Variants in CEP131 observed in about 807,000 individuals in gnomAD.
The protein encoded by CEP131 is centrosomal protein of 131 kDa.
CEP131 carries 99 observed loss-of-function variants against 136.8 expected under a neutral mutation model. The ratio of observed to expected loss-of-function variants is 0.72; its 90% CI spans 0.62 to 0.86. CEP131 has a LOEUF of 0.86. Among genes scored for constraint, CEP131 ranks in the 40% least tolerant of loss-of-function variants. The probability of loss-of-function intolerance (pLI) is 0.00; values close to 1 mark genes in which losing one functional copy is unlikely to be tolerated. For synonymous variants in CEP131, 646 were observed against 612.7 expected, an observed-to-expected ratio of 1.05 and a Z score of -0.80; for missense variants, 1,459 against 1,463.0, an observed-to-expected ratio of 1.00 and a Z score of 0.04.
chr17:81,196,027 C>T, intron 15 of CEP131, 76 bp from the exon 16 acceptor site: 1 of 1,279,170 alleles, frequency 7.8e-7, no homozygotes. Context: ...GAGACCCTCC[C>T]AGCCTCCGAG....
At chr17:81,192,280 C>A (rs778589604) in intron 21 of CEP131, 38 bp downstream of exon 21, 2 of 1,536,832 alleles carry the variant, frequency 1.3e-6, no homozygotes, top group Non-Finnish European at 1.8e-6. Context: ...CGCAGGGCAG[C>A]CCCCAACCCC....
rs1482413328 is a variant in CEP131, at chr17:81,194,006, G to A, written c.2241C>T (p.Arg747=). 9 of 1,558,460 alleles carry A rather than the reference G, an allele frequency of 5.8e-6. No individual in the cohort carries two copies. Among genetic ancestry groups the A allele is most frequent in the Non-Finnish European group, 4.3e-6 (5 of 1,152,606 alleles). The stretch of plus-strand genomic sequence containing the variant: ...GCTGCTCCCGCAGCTCCTCGGCCTG[G>A]CGCAGGCAGCGCTGCGAGGCCCGCT... ...SDERASQRCL[R]QAEELREQLE... Residue 747 remains arginine (R), a synonymous_variant, in exon 18 of 26, where the codon CGC becomes CGT. Transcript: ENST00000450824.
intron 18 of CEP131, among the ~76,000 whole-genome samples, chr17:81,193,177 T>A (rs1056889277): frequency 3.3e-5 from 5 of 152,172 alleles, no homozygotes; most frequent in African/African-American, 1.2e-4. Context: ...CCCACGGGCA[T>A]GGAGGGCGGG....
chr17:81,202,466 G>A (rs2061914564), intron 6 of CEP131, 68 bp from the exon 7 acceptor site: 6 of 1,545,846 alleles, frequency 3.9e-6, no homozygotes, highest in Non-Finnish European at 5.2e-6. Context: ...CAGGCAGCAG[G>A]TGCCCACTCC....
chr17:81,196,657 G>A (rs2061760966), intron 15 of CEP131, 44 bp downstream of exon 15: 2 of 1,576,284 alleles, frequency 1.3e-6, no homozygotes, highest in Non-Finnish European at 1.7e-6. Flanking sequence ...GTCTCCATGA[G>A]CCACGCGCTG....
rs576433056 is a variant in CEP131, at chr17:81,194,817, T to G, written c.2119+53A>C. On this transcript the variant is annotated intron_variant, in intron 17 of 25. Transcript: ENST00000450824. ...GTTATGGCTCTCTCAAAAGAAGCCC[T>G]GGCCGCAGCACCCACCCCACACCTG... The G allele has an allele frequency of 1.8e-4, 257 of 1,447,880 alleles. 1 individual carries two copies. The South Asian group carries it at 2.8e-3, about 16-fold the overall frequency. 89.7% of individuals were successfully genotyped at this position (1,447,880 alleles called of 1,614,324 possible).
rs749896644 is a variant in CEP131, at chr17:81,192,733, C to T, written c.2429+3G>A. On this transcript the variant is annotated splice_donor_region_variant and intron_variant, in intron 19 of 25. Transcript: ENST00000450824. ...GAGAGGGCGTGGTGCCCCCGGGCGGCACCTGGCTGCCTGCTGGCCCAGCCG... is the reference window on the plus strand; with the variant it reads ...GAGAGGGCGTGGTGCCCCCGGGCGGTACCTGGCTGCCTGCTGGCCCAGCCG... 6 of 1,565,272 alleles carry T rather than the reference C, an allele frequency of 3.8e-6. No homozygotes were observed. The South Asian group carries it at 6.7e-5, about 17-fold the overall frequency.
chr17:81,192,815 A>G lies in CEP131; in HGVS notation c.2350T>C (p.Trp784Arg). 1 of 1,598,272 alleles carries G rather than the reference A, an allele frequency of 6.3e-7. No homozygotes were observed. The highest frequency in any genetic ancestry group is 1.1e-5 in the South Asian group (1 of 91,012). ...CGCTGCCGTTGCTGCTGCAGCGCCC[A>G]CTGCTCCTGCTCCAGGTGCTGCTGG... ...RFQQHLEQEQ[W>R]ALQQQRQRLY... Residue 784 changes from tryptophan to arginine, a missense_variant, in exon 19 of 26, where the codon TGG becomes CGG. Around this residue, in one of 3 missense-constraint regions of CEP131, gnomAD observed 1,026 missense variants for 964.2 expected, o/e 1.06. Transcript: ENST00000450824.
intron 3 of CEP131, 85 bp from the exon 4 acceptor site, chr17:81,207,324 G>A (rs189419280): frequency 6.8e-6 from 8 of 1,180,738 alleles, no homozygotes; most frequent in South Asian, 5.2e-5. Flanking sequence ...CAGGTCCCGC[G>A]AGGACAGAGG....
At chr17:81,212,474 C>G (rs753291031) in intron 2 of CEP131, among the ~76,000 whole-genome samples, 2 of 151,548 alleles carry the variant, frequency 1.3e-5, no homozygotes, top group African/African-American at 4.9e-5. Context: ...CGAGTAGCCC[C>G]GGGCAGGAGT....
intron 13 of CEP131, chr17:81,197,507 G>A: frequency 2.6e-6 from 2 of 759,440 alleles, no homozygotes; most frequent in Non-Finnish European, 4.0e-6. Context: ...CACCCTGAGA[G>A]ACCCGTGGGG....
In CEP131 at chr17:81,215,648, G is replaced by A. The variant is rs904562158; in HGVS notation, c.177+4232C>T. On this transcript the variant is annotated intron_variant, in intron 2 of 25. Transcript: ENST00000450824. The surrounding 1 kb of genome is among the most constrained non-coding windows in gnomAD (Gnocchi z 4.1). ...GCTGGTCTCGAACTCCTGACCTCAAGCAATCTGCCCACCTCGGCGTCCCAA... is the reference window on the plus strand; with the variant it reads ...GCTGGTCTCGAACTCCTGACCTCAAACAATCTGCCCACCTCGGCGTCCCAA... 2.6e-5 allele frequency among the ~76,000 whole-genome samples: 4 copies of A among 152,080 alleles called. No individual in the cohort carries two copies. Among genetic ancestry groups the A allele is most frequent in the Middle Eastern group, 3.4e-3 (1 of 294 alleles).
rs776815095 is a variant in CEP131 at position 81,203,638 on chromosome 17, C to T, written c.516-31G>A. 4 of 1,542,350 alleles carry T rather than the reference C, an allele frequency of 2.6e-6. No homozygotes were observed. Among genetic ancestry groups the T allele is most frequent in the Non-Finnish European group, 3.5e-6 (4 of 1,137,352 alleles). ...AGGCCGGAAGAGAGACAGGAATGGT[C>T]AGGCCTCTGGAGGGGACGCCTGAGA... On this transcript the variant is annotated intron_variant, in intron 5 of 25. Transcript: ENST00000450824. This position sits in a 1 kb window ranked among gnomAD's most constrained non-coding sequence, Gnocchi z 4.6.
chr17:81,215,048 A>G lies in CEP131; in HGVS notation c.177+4832T>C, dbSNP rs1339839174. 1.3e-5 allele frequency among the ~76,000 whole-genome samples: 2 copies of G among 151,730 alleles called. No homozygotes were observed. Among genetic ancestry groups the G allele is most frequent in the African/African-American group, 2.4e-5 (1 of 41,254 alleles). On this transcript the variant is annotated intron_variant, in intron 2 of 25. Transcript: ENST00000450824. The surrounding 1 kb of genome is among the most constrained non-coding windows in gnomAD (Gnocchi z 4.1). ...TGCCTCAACCTCCCAAAGTGCTGGG[A>G]TTACAGGCATGAGCCACCGCGCCTG...
At chr17:81,217,070 T>G (rs1426881408) in intron 2 of CEP131, among the ~76,000 whole-genome samples, 1 of 152,002 alleles carries the variant, frequency 6.6e-6, no homozygotes, top group Non-Finnish European at 1.5e-5. Context: ...ATGACACATA[T>G]GCACAGTGAT....
intron 7 of CEP131, among the ~76,000 whole-genome samples, chr17:81,201,181 A>G (rs1455956113): frequency 1.3e-5 from 2 of 152,120 alleles, no homozygotes; most frequent in Non-Finnish European, 2.9e-5. Flanking sequence ...CTAGCTCGGG[A>G]GCAGTCTGCC....
At chr17:81,214,939 A>C (rs1292197586) in intron 2 of CEP131, among the ~76,000 whole-genome samples, 1 of 146,016 alleles carries the variant, frequency 6.8e-6, no homozygotes, top group Non-Finnish European at 1.5e-5. Flanking sequence ...CGCCCGGCTA[A>C]TTTTTTTTTT....
Position 81,199,431 on chromosome 17 carries a change from G to T in CEP131, c.1142C>A (p.Ser381Tyr). 6.2e-7 allele frequency: 1 copy of T among 1,607,406 alleles called. No homozygotes were observed. The highest frequency in any genetic ancestry group is 8.5e-7 in the Non-Finnish European group (1 of 1,177,914). The change falls in exon 10 of 26, where the codon TCC (serine) becomes TAC (tyrosine). Residue 381 changes from serine to tyrosine, a missense_variant. Coordinates refer to ENST00000450824, the MANE Select transcript of CEP131 (RefSeq NM_014984.4). ...PGMRQPAQEL[S>Y]PTPGGTAHQA... ...GTGGGCAGTGCCGCCTGGTGTGGGG[G>T]ACAGCTCCTGAGCAGGCTGCCGCAT... is the stretch of plus-strand genomic sequence containing the variant.
Position 81,208,916 on chromosome 17 carries a change from C to T in CEP131, c.272+12G>A. The stretch of plus-strand genomic sequence containing the variant: ...GAAGGGGCCAGGGTTATCCAAGGGC[C>T]TTAGGGGTTACCTGGGGGAGCCGCT... On this transcript the variant is annotated intron_variant, in intron 3 of 25. Coordinates refer to ENST00000450824, the MANE Select transcript of CEP131 (RefSeq NM_014984.4). The surrounding 1 kb of genome is among the most constrained non-coding windows in gnomAD (Gnocchi z 5.6). 1.2e-6 allele frequency: 2 copies of T among 1,611,038 alleles called. No individual in the cohort carries two copies. Among genetic ancestry groups the T allele is most frequent in the South Asian group, 2.2e-5 (2 of 90,964 alleles).
Sources: allele counts gnomAD v4.1 joint callset (sites outside exome capture counted in the v4.1 genomes callset), GRCh38; gene constraint gnomAD v4.1.1; regional missense constraint gnomAD v4.1.1; non-coding constraint Gnocchi (gnomAD v3.1); transcripts MANE v1.5; gene names NCBI Gene and HGNC (gene_info 2026-07-23, HGNC 2026-07-21).